Variants in FABP3 observed in about 807,000 individuals in gnomAD.
The protein encoded by FABP3 is fatty acid-binding protein, heart.
In FABP3, 8 loss-of-function variants were observed where a neutral mutation model predicts 13.4. That is an observed-to-expected ratio of 0.60 (90% confidence interval 0.35 to 1.07). The LOEUF (loss-of-function observed/expected upper bound fraction) is 1.07, where lower values mean the gene tolerates loss of function less well. FABP3 is among the 50% of genes least tolerant of loss of function. The pLI, the probability that FABP3 is intolerant of heterozygous loss-of-function variation, is 0.02. For synonymous variants in FABP3, 64 were observed against 60.0 expected (o/e 1.07, Z -0.31); for missense variants, 135 against 164.7 (o/e 0.82, Z 0.99).
chr1:31,361,725 A>G (rs1230191591), downstream of FABP3, among the ~76,000 whole-genome samples: 1 of 152,216 alleles, frequency 6.6e-6, no homozygotes, highest in Non-Finnish European at 1.5e-5. Flanking sequence ...AACTTGTCCA[A>G]GCCTTAGATA....
chr1:31,359,696 A>C, the FABP3 span, among the ~76,000 whole-genome samples: 1 of 152,070 alleles, frequency 6.6e-6, no homozygotes. Flanking sequence ...CTAACAAGGG[A>C]TATGTGCTTT....
At chr1:31,372,372 G>A (rs962788538) in intron 1 of FABP3, among the ~76,000 whole-genome samples, 5 of 152,136 alleles carry the variant, frequency 3.3e-5, no homozygotes, top group Non-Finnish European at 2.9e-5. Context: ...TGGTGAGAAA[G>A]GGCATTCTCC....
downstream of FABP3, among the ~76,000 whole-genome samples, chr1:31,361,903 T>C (rs1639915947): frequency 6.6e-6 from 1 of 152,086 alleles, no homozygotes; most frequent in African/African-American, 2.4e-5. Flanking sequence ...CTTCCAGCTC[T>C]TGGGCTCAAG....
chr1:31,369,552 C>T lies in FABP3; in HGVS notation c.79G>A (p.Gly27Ser), dbSNP rs1640172198. The T allele has an allele frequency of 6.2e-7, 1 of 1,613,892 alleles. No homozygotes were observed. Among genetic ancestry groups the T allele is most frequent in the African/African-American group, 1.3e-5 (1 of 74,898 alleles). The part of the protein sequence containing the change: ...FDDYMKSLGV[G>S]FATRQVASMT... ...CTGGCCACCTGCCTGGTAGCAAAAC[C>T]CACACCTGAGGGTAGGGGGAAGGTT... The change falls in exon 2 of 4, where the codon GGT becomes AGT. Residue 27 changes from glycine to serine, a missense_variant. Physicochemically the swap from Gly to Ser is moderately conservative, Grantham distance 56. Coordinates refer to ENST00000373713, the MANE Select transcript of FABP3 (RefSeq NM_004102.5).
rs546705806 is a variant in FABP3 at position 31,367,411 on chromosome 1, A to G, written c.330T>C (p.Ile110=). 5.6e-6 allele frequency: 9 copies of G among 1,614,138 alleles called. No homozygotes were observed. The South Asian group carries it at 9.9e-5, about 18-fold the overall frequency. ...GQETTLVREL[I]DGKLILTLTH... ...ATCTTACCAGGATGAGTTTTCCATC[A>G]ATTAGCTCCCGCACAAGTGTGGTCT... Residue 110 remains isoleucine (I), a synonymous_variant, in exon 3 of 4, where the codon ATT becomes ATC. Transcript: ENST00000373713.
At chr1:31,364,752 C>A (rs1034490239), downstream of FABP3, 2 of 153,314 alleles carry the variant, frequency 1.3e-5, no homozygotes, top group African/African-American at 2.4e-5. Flanking sequence ...ATCCAGCGGC[C>A]ACAGCTAGAA....
chr1:31,365,923 G>A lies in FABP3; in HGVS notation c.365C>T (p.Thr122Ile), dbSNP rs1640100493. ...GKLILTLTHG[T>I]AVCTRTYEKE... ...CTCATAAGTGCGAGTGCAAACTGCA[G>A]TGCCGTGGGTGAGTGTCTGGAAGGA... Residue 122 changes from threonine to isoleucine, a missense_variant, in exon 4 of 4, where the codon ACT (threonine) becomes ATT (isoleucine). Physicochemically the swap from Thr to Ile is moderately conservative, Grantham distance 89 (BLOSUM62 -1). Transcript: ENST00000373713. 6.2e-7 allele frequency: 1 copy of A among 1,613,926 alleles called. No individual in the cohort carries two copies.
At chr1:31,361,468 A>G (rs957105648), downstream of FABP3, among the ~76,000 whole-genome samples, 6 of 152,250 alleles carry the variant, frequency 3.9e-5, no homozygotes, top group African/African-American at 1.4e-4. Context: ...TGAAAAGAAA[A>G]CTGAGGTTCA....
At chr1:31,370,163 C>T (rs187990357) in intron 1 of FABP3, among the ~76,000 whole-genome samples, 4 of 150,270 alleles carry the variant, frequency 2.7e-5, no homozygotes, top group Non-Finnish European at 4.4e-5. Context: ...AAGAACTGTA[C>T]ATGTTATCTC....
intron 1 of FABP3, among the ~76,000 whole-genome samples, chr1:31,370,906 G>A (rs1390311808): frequency 6.6e-6 from 1 of 152,214 alleles, no homozygotes; most frequent in East Asian, 1.9e-4. Context: ...CTCTGCACAT[G>A]CCCTACATGG....
chr1:31,363,182 CT>C (rs374893533), downstream of FABP3, among the ~76,000 whole-genome samples: 805 of 135,632 alleles, frequency 5.9e-3, 1 homozygote, highest in African/African-American at 0.013. Context: ...ATGTCTTATA[CT>C]TTTTTTTTTT....
chr1:31,370,754 C>G (rs1027025386), intron 1 of FABP3, among the ~76,000 whole-genome samples: 1 of 152,200 alleles, frequency 6.6e-6, no homozygotes. Context: ...CTAATCATGA[C>G]TGCCCCCTCT....
At position 31,367,378 on chromosome 1, in the gene FABP3, A is replaced by C; in HGVS notation, c.348+15T>G. 3.1e-6 allele frequency: 5 copies of C among 1,604,630 alleles called. No homozygotes were observed. The highest frequency in any genetic ancestry group is 4.3e-6 in the Non-Finnish European group (5 of 1,171,384). ...AATAACCAATCAGATATAGCTCCAAAGTTGCCCATCTTACCAGGATGAGTT... is the reference window on the plus strand; with the variant it reads ...AATAACCAATCAGATATAGCTCCAACGTTGCCCATCTTACCAGGATGAGTT... On this transcript the variant is annotated intron_variant, in intron 3 of 3. Coordinates refer to ENST00000373713, the MANE Select transcript of FABP3 (RefSeq NM_004102.5).
At position 31,367,295 on chromosome 1, in the gene FABP3, A is replaced by G. The variant is rs942163920; in HGVS notation, c.348+98T>C. On this transcript the variant is annotated intron_variant, in intron 3 of 3. Coordinates refer to ENST00000373713, the MANE Select transcript of FABP3 (RefSeq NM_004102.5). ...CAACCACTCTCTTGTCCCAGCTTCT[A>G]CAGCTCTCAGGGGAGGACTTGGCTT... The G allele has an allele frequency of 2.6e-5, 25 of 972,794 alleles. 1 individual carries two copies. Among genetic ancestry groups the G allele is most frequent in the Admixed American group, 1.0e-4 (6 of 58,540 alleles). 60.3% of individuals were successfully genotyped at this position (972,794 alleles called of 1,614,324 possible). A position where few individuals can be genotyped will look rare whatever the true frequency, so the allele number is the denominator to read the frequency against.
chr1:31,360,280 C>A (rs1445865264), downstream of FABP3, among the ~76,000 whole-genome samples: 2 of 152,226 alleles, frequency 1.3e-5, no homozygotes, highest in Non-Finnish European at 2.9e-5. Flanking sequence ...AGCGATTCTC[C>A]TGCCTCAGCC....
At chr1:31,366,072 G>C (rs1462386535) in intron 3 of FABP3, 133 bp from the exon 4 acceptor site, 1 of 120,600 alleles carries the variant, frequency 8.3e-6, no homozygotes, top group South Asian at 4.8e-5. Flanking sequence ...ATGTGTGTGT[G>C]TGTGTGTGTG....
At chr1:31,369,253 A>T in intron 2 of FABP3, 132 bp downstream of exon 2, 1 of 954,942 alleles carries the variant, frequency 1.0e-6, no homozygotes. Flanking sequence ...AGGCTTTATG[A>T]ATCTTGTTTC....
chr1:31,365,835 G>A lies in FABP3; in HGVS notation c.*51C>T. ...AAGAAATGAGGCAATGTGGTGCTGA[G>A]TCGAGGGGTAGCCGATTGGCAGAGT... On this transcript the variant is annotated 3_prime_UTR_variant, in exon 4 of 4. Coordinates refer to ENST00000373713, the MANE Select transcript of FABP3 (RefSeq NM_004102.5). The A allele has an allele frequency of 3.9e-6, 6 of 1,539,082 alleles. No individual in the cohort carries two copies. The highest frequency in any genetic ancestry group is 5.4e-6 in the Non-Finnish European group (6 of 1,112,074).
intron 1 of FABP3, 141 bp from the exon 2 acceptor site, chr1:31,369,698 A>T: frequency 1.3e-6 from 1 of 768,080 alleles, no homozygotes; most frequent in Non-Finnish European, 2.1e-6. Context: ...GAATTTTAAA[A>T]TTCAGTCTTG....
Sources: allele counts gnomAD v4.1 joint callset (sites outside exome capture counted in the v4.1 genomes callset), GRCh38; gene constraint gnomAD v4.1.1; transcripts MANE v1.5; gene names NCBI Gene and HGNC (gene_info 2026-07-23, HGNC 2026-07-21).